The following PHTF2 variants were observed in gnomAD, a reference collection of about 807,000 sequenced individuals.
PHTF2 encodes protein PHTF2.
In PHTF2, 60 loss-of-function variants were observed where a neutral mutation model predicts 101.2. The ratio of observed to expected loss-of-function variants is 0.59; its 90% confidence interval spans 0.48 to 0.73. The LOEUF is 0.73. Ranked by LOEUF, PHTF2 falls within the 30% of genes least tolerant of loss-of-function variation. The pLI is 0.00. For missense variants in PHTF2, 747 were observed against 908.7 expected, an observed-to-expected ratio of 0.82 and a Z score of 2.29; for synonymous variants, 311 against 307.3, an observed-to-expected ratio of 1.01 and a Z score of -0.13.
chr7:77,851,451 A>C (rs183482804), intron 2 of PHTF2, among the ~76,000 whole-genome samples: 61 of 152,156 alleles, frequency 4.0e-4, no homozygotes, highest in African/African-American at 1.4e-3. Context: ...CCATTATAAT[A>C]TGTCCGTTTT....
At chr7:77,957,358 G>A (rs1807044602) in exon 20 of PHTF2, 1 of 151,842 alleles carries the variant, frequency 6.6e-6, no homozygotes, top group Non-Finnish European at 1.5e-5. Flanking sequence ...TTTAGATTTT[G>A]TTATGATTCT....
At position 77,937,691 on chromosome 7, in the gene PHTF2, A is replaced by ATT. The variant is rs369183115; in HGVS notation, c.1339-6_1339-5dup. 4.3e-3 allele frequency: 3,783 copies of ATT among 884,072 alleles called. No homozygotes were observed. The highest frequency in any genetic ancestry group is 5.8e-3 in the South Asian group (204 of 35,090). 54.8% of individuals were successfully genotyped at this position (884,072 alleles called of 1,614,324 possible). On this transcript the variant is annotated intron_variant, in intron 12 of 19. Transcript: ENST00000416283. Reference sequence around the variant, plus strand: ...TTAAATGTGATCTATATATTTACTAATTTTTTTTTTTTTTATAGAGTCATT... The same window carrying ATT: ...TTAAATGTGATCTATATATTTACTAATTTTTTTTTTTTTTTTATAGAGTCATT...
intron 3 of PHTF2, among the ~76,000 whole-genome samples, chr7:77,855,815 C>T (rs372065715): frequency 1.4e-4 from 22 of 152,190 alleles, no homozygotes; most frequent in Admixed American, 3.3e-4. Flanking sequence ...CCCCCAAGCA[C>T]GTTGATATAC....
At chr7:77,874,534 G>C (rs1289769887) in intron 3 of PHTF2, among the ~76,000 whole-genome samples, 2 of 152,172 alleles carry the variant, frequency 1.3e-5, no homozygotes. Context: ...GCTGTTCCAG[G>C]GCAGGAAGCA....
intron 1 of PHTF2, among the ~76,000 whole-genome samples, chr7:77,820,658 A>G (rs1244418621): frequency 6.6e-6 from 1 of 152,168 alleles, no homozygotes; most frequent in Admixed American, 6.5e-5. Flanking sequence ...GATTACAAGC[A>G]TGAGCCACTG....
intron 15 of PHTF2, among the ~76,000 whole-genome samples, chr7:77,940,971 A>T (rs577130694): frequency 1.6e-3 from 239 of 152,318 alleles, no homozygotes; most frequent in Admixed American, 3.4e-3. Context: ...TCTTTTGAGT[A>T]ATTTTCCTAA....
At chr7:77,819,917 T>C (rs2150514443) in intron 1 of PHTF2, among the ~76,000 whole-genome samples, 1 of 152,340 alleles carries the variant, frequency 6.6e-6, no homozygotes, top group South Asian at 2.1e-4. Flanking sequence ...AGATGGTGTT[T>C]TGCTCTTGTT....
chr7:77,939,437 C>CT (rs1292054143), intron 13 of PHTF2, among the ~76,000 whole-genome samples: 1 of 151,868 alleles, frequency 6.6e-6, no homozygotes, highest in African/African-American at 2.4e-5. Context: ...GAAACCCTGT[C>CT]TTTACATCTC....
chr7:77,952,658 T>C (rs1411534996), intron 18 of PHTF2, among the ~76,000 whole-genome samples: 1 of 152,206 alleles, frequency 6.6e-6, no homozygotes, highest in Non-Finnish European at 1.5e-5. Flanking sequence ...ATCTTCAGAG[T>C]GTAGGCACTG....
chr7:77,915,971 T>TTGTGTG (rs1326436924), intron 9 of PHTF2, among the ~76,000 whole-genome samples: 2 of 119,360 alleles, frequency 1.7e-5, no homozygotes, highest in Non-Finnish European at 3.7e-5. Context: ...GAAGGTAGAT[T>TTGTGTG]TGTGTGTCTG....
chr7:77,838,027 C>A (rs1036234885), intron 1 of PHTF2, among the ~76,000 whole-genome samples: 1 of 152,104 alleles, frequency 6.6e-6, no homozygotes, highest in African/African-American at 2.4e-5. Flanking sequence ...AGTTGATATT[C>A]TCATATTTTT....
intron 9 of PHTF2, among the ~76,000 whole-genome samples, chr7:77,913,564 C>G (rs1015291109): frequency 2.0e-5 from 3 of 151,968 alleles, no homozygotes; most frequent in Admixed American, 6.6e-5. Flanking sequence ...CACATGGATC[C>G]TAAGTTTTCT....
At chr7:77,903,107 T>A (rs1042961224) in intron 7 of PHTF2, among the ~76,000 whole-genome samples, 1 of 152,174 alleles carries the variant, frequency 6.6e-6, no homozygotes, top group African/African-American at 2.4e-5. Context: ...CCTAATGTCA[T>A]AATATCAAAG....
intron 7 of PHTF2, among the ~76,000 whole-genome samples, chr7:77,902,535 C>T (rs910388297): frequency 2.6e-5 from 4 of 152,090 alleles, no homozygotes; most frequent in Non-Finnish European, 2.9e-5. Context: ...CACACTTAAC[C>T]GCTCTTATGG....
intron 3 of PHTF2, among the ~76,000 whole-genome samples, chr7:77,870,964 A>G (rs192540388): frequency 7.2e-4 from 110 of 152,382 alleles, no homozygotes; most frequent in African/African-American, 2.5e-3. Context: ...AAGTGTATAC[A>G]TGCACAAACA....
intron 1 of PHTF2, among the ~76,000 whole-genome samples, chr7:77,837,890 C>T (rs887929299): frequency 1.3e-5 from 2 of 151,866 alleles, no homozygotes; most frequent in Non-Finnish European, 2.9e-5. Flanking sequence ...AATCCTTTCA[C>T]GTTTTGTGTA....
chr7:77,939,967 G>A, intron 13 of PHTF2, 63 bp from the exon 13 acceptor site: 6 of 1,166,014 alleles, frequency 5.1e-6, no homozygotes, highest in South Asian at 1.5e-5. Flanking sequence ...TAATTCTACT[G>A]TAGATAAAAT....
chr7:77,953,688 T>A (rs909045341), intron 18 of PHTF2, 81 bp from the exon 18 acceptor site: 2 of 1,241,930 alleles, frequency 1.6e-6, no homozygotes, highest in South Asian at 1.8e-5. Context: ...AAGTGTTTTT[T>A]AATTCTCATT....
intron 1 of PHTF2, among the ~76,000 whole-genome samples, chr7:77,838,428 T>C (rs2150572955): frequency 6.6e-6 from 1 of 152,330 alleles, no homozygotes; most frequent in East Asian, 1.9e-4. Context: ...TTATTTTCAA[T>C]GTGAACAAAA....
Sources: gnomAD v4.1 joint callset for allele counts (sites outside exome capture counted in the v4.1 genomes callset) on GRCh38, gnomAD v4.1.1 for gene constraint, MANE v1.5 for transcripts, NCBI Gene and HGNC (gene_info 2026-07-23, HGNC 2026-07-21) for gene names.